SLC26A2: variants seen among roughly 807,000 people sequenced by gnomAD.
SLC26A2 encodes sulfate transporter.
A neutral mutation model predicts 41.1 loss-of-function variants in SLC26A2; 36 were observed. That is an observed-to-expected ratio of 0.88 (90% CI 0.67 to 1.16). The LOEUF (loss-of-function observed/expected upper bound fraction) is 1.16. SLC26A2 is among the 50% of genes most tolerant of loss of function. The pLI is 0.00. For synonymous variants in SLC26A2, 291 were observed against 311.6 expected, an observed-to-expected ratio of 0.93 and a Z score of 0.70; for missense variants, 796 against 869.6, an observed-to-expected ratio of 0.92 and a Z score of 1.07.
intron 1 of SLC26A2, among the ~76,000 whole-genome samples, chr5:149,974,718 C>T (rs1269411724): frequency 1.5e-5 from 2 of 133,440 alleles, no homozygotes; most frequent in African/African-American, 3.0e-5. Flanking sequence ...CCACTGCACC[C>T]GGCCTTTTTT....
Position 149,978,313 on chromosome 5 carries a change from G to T in SLC26A2, c.661G>T (p.Val221Phe), listed in dbSNP as rs563310012. The change falls in exon 2 of 3, where the codon GTT becomes TTT. Residue 221 changes from valine to phenylalanine, a missense_variant. Transcript: ENST00000286298. ...ICDKSCYAIM[V>F]GSTVTFIAGV... ...TGACAAAAGTTGCTATGCAATTATGGTTGGCAGCACTGTAACCTTTATAGC... is the reference window on the plus strand; with the variant it reads ...TGACAAAAGTTGCTATGCAATTATGTTTGGCAGCACTGTAACCTTTATAGC... The T allele has an allele frequency of 1.2e-6, 2 of 1,613,588 alleles. No homozygotes were observed. The highest frequency in any genetic ancestry group is 1.1e-5 in the South Asian group (1 of 91,074).
Position 149,973,671 on chromosome 5 carries a change from G to C in SLC26A2, c.-25-3957G>C, listed in dbSNP as rs141336955. On this transcript the variant is annotated intron_variant, in intron 1 of 2. Coordinates refer to ENST00000286298, the MANE Select transcript of SLC26A2 (RefSeq NM_000112.4). ...TTTATTTAAGACAGAGTCTCTCCCT[G>C]TCACCCAGGCTAAAGTGCAGTGGTG... Among the ~76,000 whole-genome samples, 217 of 152,080 alleles carry C rather than the reference G, an allele frequency of 1.4e-3. 1 individual carries two copies. Among genetic ancestry groups the C allele is most frequent in the African/African-American group, 4.0e-3 (164 of 41,476 alleles).
chr5:149,981,954 G>A lies in SLC26A2; in HGVS notation c.*141G>A. The A allele has an allele frequency of 1.6e-6, 1 of 642,324 alleles. No individual in the cohort carries two copies. Among genetic ancestry groups the A allele is most frequent in the Non-Finnish European group, 2.7e-6 (1 of 370,314 alleles). 39.8% of individuals were successfully genotyped at this position (642,324 alleles called of 1,614,324 possible). On this transcript the variant is annotated 3_prime_UTR_variant, in exon 3 of 3. Coordinates refer to ENST00000286298, the MANE Select transcript of SLC26A2 (RefSeq NM_000112.4). The stretch of plus-strand genomic sequence containing the variant: ...ATATTATTCCTCCTTTGAAGCTAAT[G>A]GCATTTGTATATACACACTGCAGCA...
At chr5:149,978,444 T>G (rs547313787) in intron 2 of SLC26A2, 93 bp downstream of exon 2, 1 of 1,084,212 alleles carries the variant, frequency 9.2e-7, no homozygotes, top group South Asian at 1.3e-5. Flanking sequence ...TCACAATAAT[T>G]AAAGGTATCA....
rs386833495 is a variant in SLC26A2, at chr5:149,980,983, CT to C, written c.1394del (p.Leu465CysfsTer5). The C allele has an allele frequency of 6.2e-7, 1 of 1,614,136 alleles. No homozygotes were observed. Among genetic ancestry groups the C allele is most frequent in the Non-Finnish European group, 8.5e-7 (1 of 1,180,004 alleles). ...TTCTGGTGTGGTAACAGCCCTGGTT[CT>C]TTTGTTGGTCCTCCTAGTAATAGCT... ...QLSGVVTALV[L>X]LLVLLVIAPL... is the part of the protein sequence containing the mutation. On this transcript the variant is annotated frameshift_variant, in exon 3 of 3. Transcript: ENST00000286298. LOFTEE classifies it high-confidence loss of function.
chr5:149,968,939 G>A (rs1276387234), intron 1 of SLC26A2, among the ~76,000 whole-genome samples: 2 of 149,832 alleles, frequency 1.3e-5, no homozygotes, highest in African/African-American at 4.9e-5. Flanking sequence ...ACAGGGTTTT[G>A]CCATGTTGCC....
At chr5:149,967,175 AAAAG>A in intron 1 of SLC26A2, among the ~76,000 whole-genome samples, 1 of 152,216 alleles carries the variant, frequency 6.6e-6, no homozygotes, top group Non-Finnish European at 1.5e-5. Flanking sequence ...AAAGAAAAGA[AAAAG>A]AAAATTATGT....
Position 149,970,305 on chromosome 5 carries a change from C to T in SLC26A2, c.-25-7323C>T, listed in dbSNP as rs780748362. Among the ~76,000 whole-genome samples, 50 of 151,950 alleles carry T rather than the reference C, an allele frequency of 3.3e-4. 1 individual carries two copies. Among genetic ancestry groups the T allele is most frequent in the African/African-American group, 9.7e-5 (4 of 41,366 alleles). On this transcript the variant is annotated intron_variant, in intron 1 of 2. Coordinates refer to ENST00000286298, the MANE Select transcript of SLC26A2 (RefSeq NM_000112.4). ...GAAGAATTGATTGAGCCCAGGAGTT[C>T]GAGACCAGCCTGGGAAACATAGCAA...
rs1171255123 is a variant in SLC26A2, at chr5:149,984,850, G to A, written c.*3037G>A. 1.3e-5 allele frequency: 2 copies of A among 152,132 alleles called. No homozygotes were observed. Among genetic ancestry groups the A allele is most frequent in the South Asian group, 2.1e-4 (1 of 4,826 alleles). The allele number at this position is 152,132 out of a possible 1,614,324, so 9.4% of individuals were successfully genotyped here. Reference sequence around the variant, plus strand: ...CATAAAATGGTTATTTAATTGAAACGTAGTGTGGTATACTCTTGATGGTTA... The same window carrying A: ...CATAAAATGGTTATTTAATTGAAACATAGTGTGGTATACTCTTGATGGTTA... On this transcript the variant is annotated 3_prime_UTR_variant, in exon 3 of 3. Coordinates refer to ENST00000286298, the MANE Select transcript of SLC26A2 (RefSeq NM_000112.4).
At chr5:149,978,656 G>T (rs1222428301) in intron 2 of SLC26A2, among the ~76,000 whole-genome samples, 2 of 151,346 alleles carry the variant, frequency 1.3e-5, no homozygotes, top group Non-Finnish European at 2.9e-5. Flanking sequence ...TAGGCAAGTG[G>T]GTAACAGAAT....
rs753370084 is a variant in SLC26A2, at chr5:149,981,753, A to G, written c.2160A>G (p.Glu720=). 1.9e-6 allele frequency: 3 copies of G among 1,611,358 alleles called. No homozygotes were observed. Among genetic ancestry groups the G allele is most frequent in the South Asian group, 2.2e-5 (2 of 90,398 alleles). ...YSVYEAMAFA[E]VSKNQKGVCV... ...TGTATGAAGCGATGGCTTTTGCAGA[A>G]GTATCTAAAAATCAGAAAGGAGTAT... The change falls in exon 3 of 3, where the codon GAA becomes GAG. Residue 720 remains glutamate (E), a synonymous_variant. Coordinates refer to ENST00000286298, the MANE Select transcript of SLC26A2 (RefSeq NM_000112.4).
rs1197003397 is a variant in SLC26A2 at position 149,987,172 on chromosome 5, G to A, written c.*5359G>A. Reference sequence around the variant, plus strand: ...ATACTGTATTTTTTAATTAAAGCAAGTGCCTTGATGTAATTCCATGTAAAT... The same window carrying A: ...ATACTGTATTTTTTAATTAAAGCAAATGCCTTGATGTAATTCCATGTAAAT... On this transcript the variant is annotated 3_prime_UTR_variant, in exon 3 of 3. Transcript: ENST00000286298. The A allele has an allele frequency of 1.3e-5, 2 of 152,172 alleles. No individual in the cohort carries two copies. Among genetic ancestry groups the A allele is most frequent in the African/African-American group, 2.4e-5 (1 of 41,428 alleles). The allele number at this position is 152,172 out of a possible 1,614,324, so 9.4% of individuals were successfully genotyped here.
rs547167678 is a variant in SLC26A2, at chr5:149,974,418, T to A, written c.-25-3210T>A. 7.9e-5 allele frequency among the ~76,000 whole-genome samples: 12 copies of A among 151,066 alleles called. No individual in the cohort carries two copies. In the South Asian group the frequency reaches 2.5e-3, roughly 31 times the overall value. On this transcript the variant is annotated intron_variant, in intron 1 of 2. Coordinates refer to ENST00000286298, the MANE Select transcript of SLC26A2 (RefSeq NM_000112.4). ...AGATTCTTGGAGATAGATTATATAT[T>A]ATATATATATGTATTTTTTTTTTGA... is the stretch of plus-strand genomic sequence containing the variant.
intron 1 of SLC26A2, among the ~76,000 whole-genome samples, chr5:149,966,076 T>G (rs901379622): frequency 1.3e-5 from 2 of 152,218 alleles, no homozygotes; most frequent in Non-Finnish European, 2.9e-5. Context: ...GGCTAATTTT[T>G]GGATTTTTAG....
rs764538490 is a variant in SLC26A2, at chr5:149,981,049, A to G, written c.1456A>G (p.Ile486Val). The G allele has an allele frequency of 3.1e-6, 5 of 1,614,052 alleles. No individual in the cohort carries two copies. In the African/African-American group the frequency reaches 6.7e-5, roughly 22 times the overall value. The change falls in exon 3 of 3, where the codon ATC becomes GTC. Residue 486 changes from isoleucine (I) to valine (V), a missense_variant. Ile to Val is a conservative substitution (Grantham distance 29, BLOSUM62 3). Coordinates refer to ENST00000286298, the MANE Select transcript of SLC26A2 (RefSeq NM_000112.4). Reference protein sequence around the residue: ...YSLQKSVLGVITIVNLRGALR... With the variant: ...YSLQKSVLGVVTIVNLRGALR... ...CCTTCAAAAAAGTGTCCTTGGTGTG[A>G]TCACAATTGTAAATCTACGGGGAGC...
At chr5:149,967,732 T>G (rs56369041) in intron 1 of SLC26A2, among the ~76,000 whole-genome samples, 27,844 of 151,738 alleles carry the variant, frequency 0.18, 2,910 homozygotes, top group Admixed American at 0.28. Context: ...TGTATATGCC[T>G]ATTCTCTCTC....
chr5:149,965,583 A>AT (rs895016824), intron 1 of SLC26A2, among the ~76,000 whole-genome samples: 15 of 147,996 alleles, frequency 1.0e-4, no homozygotes, highest in Non-Finnish European at 1.9e-4. Context: ...ATTTTTAATT[A>AT]TTTTTTTTTC....
chr5:149,979,240 A>G (rs540720989), intron 2 of SLC26A2, among the ~76,000 whole-genome samples: 1 of 152,278 alleles, frequency 6.6e-6, no homozygotes, highest in South Asian at 2.1e-4. Context: ...TTTGGCATCC[A>G]GGAGTCAGTG....
chr5:149,965,406 G>C (rs1485565731), intron 1 of SLC26A2, among the ~76,000 whole-genome samples: 1 of 145,664 alleles, frequency 6.9e-6, no homozygotes, highest in Middle Eastern at 3.6e-3. Flanking sequence ...CTTGAACCTG[G>C]GAGATGGAGG....
Sources: gnomAD v4.1 joint callset for allele counts (sites outside exome capture counted in the v4.1 genomes callset) on GRCh38, gnomAD v4.1.1 for gene constraint, MANE v1.5 for transcripts, NCBI Gene and HGNC (gene_info 2026-07-23, HGNC 2026-07-21) for gene names.